Variants in ZNF667 observed in about 807,000 individuals in gnomAD.
The protein encoded by ZNF667 is zinc finger protein 667, also known as myocardial ischemic preconditioning upregulated 1 ortholog.
In ZNF667, 13 loss-of-function variants were observed where a neutral mutation model predicts 31.8. The ratio of observed to expected loss-of-function variants is 0.41; its 90% CI spans 0.27 to 0.65. ZNF667 has a LOEUF of 0.65. ZNF667 is among the 30% of genes least tolerant of loss of function. ZNF667 has a pLI of 0.32. For synonymous variants in ZNF667, 228 were observed against 247.1 expected (o/e 0.92, Z 0.73); for missense variants, 642 against 725.6 (o/e 0.88, Z 1.32).
intron 6 of ZNF667, among the ~76,000 whole-genome samples, chr19:56,446,421 C>T (rs2042711154): frequency 2.0e-5 from 3 of 152,140 alleles, no homozygotes; most frequent in South Asian, 2.1e-4. Flanking sequence ...GAAACCCCAT[C>T]TGAAATGCAA....
At chr19:56,449,602 A>G in intron 6 of ZNF667, 1 of 201,356 alleles carries the variant, frequency 5.0e-6, no homozygotes, top group Non-Finnish European at 1.0e-5. Flanking sequence ...GAATTGCTTG[A>G]ACCCAGGAGG....
At chr19:56,467,271 T>C (rs1382698736) in intron 3 of ZNF667, among the ~76,000 whole-genome samples, 1 of 152,066 alleles carries the variant, frequency 6.6e-6, no homozygotes, top group East Asian at 1.9e-4. Flanking sequence ...CCCAAAGATA[T>C]GGACATCCTA....
chr19:56,468,455 C>T (rs758802824), intron 3 of ZNF667: 3 of 152,210 alleles, frequency 2.0e-5, no homozygotes, highest in Non-Finnish European at 4.4e-5. Context: ...AAGGCAGGGC[C>T]CTTGCTTCGA....
rs1487072278 is a variant in ZNF667, at chr19:56,441,704, T to C, written c.1291A>G (p.Lys431Glu). Residue 431 changes from lysine to glutamate, a missense_variant, in exon 7 of 7, where the codon AAA (lysine) becomes GAA (glutamate). Transcript: ENST00000504904. The surrounding 1 kb of genome is among the most constrained non-coding windows in gnomAD (Gnocchi z 4.2). ...TCAGAATGAATATTCTGATGTATTT[T>C]AAGGTTTGCAGTTCCAGAAAACATC... ...GKMFSGTANL[K>E]IHQNIHSEEK... The C allele has an allele frequency of 6.2e-7, 1 of 1,614,210 alleles. No homozygotes were observed. The highest frequency in any genetic ancestry group is 1.1e-5 in the South Asian group (1 of 91,086).
rs1461044037 is a variant in ZNF667 at position 56,440,380 on chromosome 19, C to T, written c.*782G>A. On this transcript the variant is annotated 3_prime_UTR_variant, in exon 7 of 7. Coordinates refer to ENST00000504904, the MANE Select transcript of ZNF667 (RefSeq NM_001321356.2). ...AAGTAAGGTTTCTACTGTTACACAC[C>T]ATTATGAGTGACAACTTTATCTACC... The T allele has an allele frequency of 6.5e-6, 1 of 153,914 alleles. No individual in the cohort carries two copies. Among genetic ancestry groups the T allele is most frequent in the African/African-American group, 2.4e-5 (1 of 41,458 alleles). The allele number at this position is 153,914 out of a possible 1,614,324, so 9.5% of individuals were successfully genotyped here.
chr19:56,462,855 G>T (rs993933560), intron 3 of ZNF667, among the ~76,000 whole-genome samples: 2 of 152,150 alleles, frequency 1.3e-5, no homozygotes, highest in Non-Finnish European at 2.9e-5. Flanking sequence ...TCATTGCTAT[G>T]AAGAATAAAC....
chr19:56,465,452 TTG>T (rs2043138468), intron 3 of ZNF667, among the ~76,000 whole-genome samples: 1 of 152,218 alleles, frequency 6.6e-6, no homozygotes, highest in Non-Finnish European at 1.5e-5. Flanking sequence ...TAGGATGAAG[TTG>T]TAGTAAGAAT....
intron 3 of ZNF667, among the ~76,000 whole-genome samples, chr19:56,469,300 T>G (rs971373985): frequency 6.6e-6 from 1 of 152,104 alleles, no homozygotes; most frequent in Non-Finnish European, 1.5e-5. Flanking sequence ...GGTCCTGCCT[T>G]GTTTTAGCCA....
At chr19:56,452,101 T>C (rs1481700329) in intron 6 of ZNF667, among the ~76,000 whole-genome samples, 4 of 150,048 alleles carry the variant, frequency 2.7e-5, no homozygotes, top group East Asian at 4.0e-4. Flanking sequence ...CAGGCTGGAG[T>C]GCAATGGCGC....
intron 1 of ZNF667, chr19:56,475,400 C>G (rs1250810635): frequency 2.0e-5 from 3 of 152,400 alleles, no homozygotes; most frequent in Non-Finnish European, 4.4e-5. Flanking sequence ...CCCCAGCTCC[C>G]TTACTCTTCT....
intron 1 of ZNF667, chr19:56,474,929 A>G (rs2043370153): frequency 6.6e-6 from 1 of 152,204 alleles, no homozygotes; most frequent in East Asian, 1.9e-4. Flanking sequence ...ACAGGGCTAG[A>G]GATCTGACCT....
chr19:56,464,160 CTG>C (rs2043109906), intron 3 of ZNF667, among the ~76,000 whole-genome samples: 6 of 152,136 alleles, frequency 3.9e-5, no homozygotes, highest in Admixed American at 2.6e-4. Context: ...TCATTGATAA[CTG>C]TTTATATTGG....
In ZNF667 at chr19:56,460,859, T is replaced by A. The variant is rs769002619; in HGVS notation, c.34-44A>T. The A allele has an allele frequency of 1.2e-5, 18 of 1,526,772 alleles. No individual in the cohort carries two copies. In the East Asian group the frequency reaches 2.6e-4, roughly 22 times the overall value. 94.6% of individuals were successfully genotyped at this position (1,526,772 alleles called of 1,614,324 possible). A position where few individuals can be genotyped will look rare whatever the true frequency, so the allele number is the denominator to read the frequency against. On this transcript the variant is annotated intron_variant, in intron 4 of 6. Transcript: ENST00000504904. The stretch of plus-strand genomic sequence containing the variant: ...TGTCTATTCACCATGGACTTGTGCT[T>A]CCACATGGCTGGAGGAAATGGTGCA...
Position 56,441,618 on chromosome 19 carries a change from A to C in ZNF667, c.1377T>G (p.Ile459Met). 2 of 1,614,108 alleles carry C rather than the reference A, an allele frequency of 1.2e-6. No homozygotes were observed. Among genetic ancestry groups the C allele is most frequent in the Non-Finnish European group, 1.7e-6 (2 of 1,179,980 alleles). ...SKVFGRQSFL[I>M]EHQRIHTGEK... ...CTCCAGTATGAATTCTTTGATGTTC[A>C]ATAAGAAATGATTGGCGGCCGAAAA... Residue 459 changes from isoleucine to methionine, a missense_variant, in exon 7 of 7, where the codon ATT becomes ATG. By Grantham distance (10) the Ile-to-Met change is conservative. Coordinates refer to ENST00000504904, the MANE Select transcript of ZNF667 (RefSeq NM_001321356.2). This position sits in a 1 kb window ranked among gnomAD's most constrained non-coding sequence, Gnocchi z 4.2.
chr19:56,465,482 T>C (rs2043138953), intron 3 of ZNF667, among the ~76,000 whole-genome samples: 2 of 152,258 alleles, frequency 1.3e-5, no homozygotes, highest in South Asian at 4.1e-4. Flanking sequence ...CTAAGATGAA[T>C]TATTAACAAG....
chr19:56,441,368 T>C lies in ZNF667; in HGVS notation c.1627A>G (p.Ile543Val). 1 of 1,614,158 alleles carries C rather than the reference T, an allele frequency of 6.2e-7. No homozygotes were observed. The highest frequency in any genetic ancestry group is 2.2e-5 in the East Asian group (1 of 44,864). ...GKAFSQRTSLILHERSHTGEK... is the reference protein window; with the variant it reads ...GKAFSQRTSLVLHERSHTGEK... ...CCAGTATGACTTCTTTCATGTAGAA[T>C]AAGAGATGTGCGCTGACTAAAGGCC... Residue 543 changes from isoleucine (I) to valine (V), a missense_variant, in exon 7 of 7, where the codon ATT (isoleucine) becomes GTT (valine). By Grantham distance (29) the Ile-to-Val change is conservative. Coordinates refer to ENST00000504904, the MANE Select transcript of ZNF667 (RefSeq NM_001321356.2). The surrounding 1 kb of genome is among the most constrained non-coding windows in gnomAD (Gnocchi z 4.2).
At position 56,441,808 on chromosome 19, in the gene ZNF667, T is replaced by C. The variant is rs892504348; in HGVS notation, c.1187A>G (p.Asn396Ser). The C allele has an allele frequency of 1.2e-6, 2 of 1,614,110 alleles. No individual in the cohort carries two copies. The highest frequency in any genetic ancestry group is 1.7e-6 in the Non-Finnish European group (2 of 1,180,010). ...YRCNKCEKVC[N>S]RHSSLIQHQK... The stretch of plus-strand genomic sequence containing the variant: ...ATGTTGAATAAGGGATGAATGCCGA[T>C]TGCAGACCTTCTCACATTTATTGCA... The change falls in exon 7 of 7, where the codon AAT becomes AGT. Residue 396 changes from asparagine (N) to serine (S), a missense_variant. Asn to Ser is a conservative substitution (Grantham distance 46, BLOSUM62 1). Coordinates refer to ENST00000504904, the MANE Select transcript of ZNF667 (RefSeq NM_001321356.2). The surrounding 1 kb of genome is among the most constrained non-coding windows in gnomAD (Gnocchi z 4.2).
chr19:56,474,339 T>C (rs2043356152), intron 1 of ZNF667: 1 of 152,266 alleles, frequency 6.6e-6, no homozygotes, highest in Non-Finnish European at 1.5e-5. Context: ...AGTCAGCTTT[T>C]GCTGTACCAG....
chr19:56,459,477 C>G (rs1310344931), intron 5 of ZNF667, among the ~76,000 whole-genome samples: 1 of 152,154 alleles, frequency 6.6e-6, no homozygotes, highest in Non-Finnish European at 1.5e-5. Context: ...CATCTGGCTC[C>G]TCAGAAGTAT....
Sources: gnomAD v4.1 joint callset for allele counts (sites outside exome capture counted in the v4.1 genomes callset) on GRCh38, gnomAD v4.1.1 for gene constraint, Gnocchi (gnomAD v3.1) non-coding constraint, MANE v1.5 for transcripts, NCBI Gene and HGNC (gene_info 2026-07-23, HGNC 2026-07-21) for gene names.